Variants in CNTN1 observed in about 807,000 individuals in gnomAD.
The protein encoded by CNTN1 is contactin-1.
Under a neutral mutation model 126.4 loss-of-function variants are expected in CNTN1, and 38 were observed. The ratio of observed to expected loss-of-function variants is 0.30; its 90% confidence interval spans 0.23 to 0.39. The LOEUF is 0.39. Ranked by LOEUF, CNTN1 falls within the 10% of genes least tolerant of loss-of-function variation. CNTN1 has a pLI of 1.00. For missense variants in CNTN1, 1,009 were observed against 1,248.4 expected (o/e 0.81, Z 2.89); for synonymous variants, 413 against 422.6 (o/e 0.98, Z 0.28).
At chr12:40,711,298 T>C (rs564937225) in intron 1 of CNTN1, among the ~76,000 whole-genome samples, 20 of 152,322 alleles carry the variant, frequency 1.3e-4, no homozygotes, top group African/African-American at 4.8e-4. Flanking sequence ...TGTTTTTCTT[T>C]CATTTTTCTC....
chr12:41,000,706 G>C (rs1329031868), intron 17 of CNTN1, among the ~76,000 whole-genome samples: 1 of 152,076 alleles, frequency 6.6e-6, no homozygotes, highest in Non-Finnish European at 1.5e-5. Context: ...ATGGGGGTTA[G>C]TTGTACAGAT....
intron 4 of CNTN1, among the ~76,000 whole-genome samples, chr12:40,920,187 C>T (rs897923829): frequency 1.3e-5 from 2 of 152,148 alleles, no homozygotes; most frequent in Admixed American, 6.6e-5. Context: ...AACAGTCACA[C>T]AAGGGACCTT....
chr12:40,707,047 C>CGCGCGCGCGT (rs1565625845), intron 1 of CNTN1, among the ~76,000 whole-genome samples: 1 of 216 alleles, frequency 4.6e-3, no homozygotes, highest in Non-Finnish European at 0.1. Flanking sequence ...CGCGCTTGCG[C>CGCGCGCGCGT]ACACACACAC....
chr12:40,711,142 G>T (rs1017801510), intron 1 of CNTN1, among the ~76,000 whole-genome samples: 1 of 151,996 alleles, frequency 6.6e-6, no homozygotes, highest in Non-Finnish European at 1.5e-5. Flanking sequence ...TGGTGCTGTG[G>T]ATCTCAACTT....
At chr12:41,049,675 A>T (rs1949628019) in intron 23 of CNTN1, among the ~76,000 whole-genome samples, 1 of 152,204 alleles carries the variant, frequency 6.6e-6, no homozygotes, top group Non-Finnish European at 1.5e-5. Context: ...ATTTTAAAAT[A>T]TGTCAGCTCT....
chr12:40,726,736 T>G (rs1942360232), intron 1 of CNTN1, among the ~76,000 whole-genome samples: 1 of 152,090 alleles, frequency 6.6e-6, no homozygotes, highest in African/African-American at 2.4e-5. Flanking sequence ...GATGTGAAAT[T>G]TATTTCAAGT....
chr12:41,048,565 C>A (rs780867378), intron 23 of CNTN1, among the ~76,000 whole-genome samples: 1 of 152,150 alleles, frequency 6.6e-6, no homozygotes, highest in Non-Finnish European at 1.5e-5. Flanking sequence ...GCTTCAACTA[C>A]CCTTTCCTTC....
At chr12:41,027,602 T>C (rs1370978639) in intron 21 of CNTN1, among the ~76,000 whole-genome samples, 1 of 151,988 alleles carries the variant, frequency 6.6e-6, no homozygotes, top group African/African-American at 2.4e-5. Flanking sequence ...AAAAGACTAG[T>C]GGAGAAAGAA....
intron 17 of CNTN1, among the ~76,000 whole-genome samples, chr12:41,008,755 C>T (rs1948570476): frequency 6.6e-6 from 1 of 152,184 alleles, no homozygotes; most frequent in South Asian, 2.1e-4. Context: ...TTGTCCTAAA[C>T]ATCTCTCTTT....
chr12:40,970,468 G>T (rs1400990240), intron 15 of CNTN1, among the ~76,000 whole-genome samples: 1 of 151,968 alleles, frequency 6.6e-6, no homozygotes, highest in African/African-American at 2.4e-5. Context: ...GTCAGCATAG[G>T]CAAGTTTTCC....
At chr12:41,006,885 A>C (rs1948505738) in intron 17 of CNTN1, among the ~76,000 whole-genome samples, 1 of 152,176 alleles carries the variant, frequency 6.6e-6, no homozygotes, top group African/African-American at 2.4e-5. Context: ...AGGAACAAAC[A>C]ATGAATACTT....
At chr12:40,873,702 A>G (rs1015038135) in intron 1 of CNTN1, among the ~76,000 whole-genome samples, 2 of 152,186 alleles carry the variant, frequency 1.3e-5, no homozygotes, top group Non-Finnish European at 2.9e-5. Context: ...AAGATGTACC[A>G]ATATGTTTTA....
At chr12:41,065,148 C>T (rs187024601) in intron 23 of CNTN1, among the ~76,000 whole-genome samples, 10 of 152,284 alleles carry the variant, frequency 6.6e-5, no homozygotes, top group East Asian at 1.9e-4. Context: ...CTCTGCCTCC[C>T]GGGTTCACGC....
At chr12:40,709,381 G>A (rs1315211720) in intron 1 of CNTN1, among the ~76,000 whole-genome samples, 7 of 152,190 alleles carry the variant, frequency 4.6e-5, no homozygotes, top group Non-Finnish European at 1.0e-4. Flanking sequence ...TCTATTTACA[G>A]AGCACAGGCA....
At chr12:40,810,052 G>A (rs1476323187) in intron 1 of CNTN1, among the ~76,000 whole-genome samples, 2 of 151,980 alleles carry the variant, frequency 1.3e-5, no homozygotes, top group African/African-American at 4.8e-5. Context: ...TCATGGTATG[G>A]TTATTTTAAA....
At position 41,023,193 on chromosome 12, in the gene CNTN1, A is replaced by G. The variant is rs1948963843; in HGVS notation, c.2524-1957A>G. Among the ~76,000 whole-genome samples, 3 of 152,206 alleles carry G rather than the reference A, an allele frequency of 2.0e-5. No homozygotes were observed. In the South Asian group the frequency reaches 6.2e-4, roughly 31 times the overall value. On this transcript the variant is annotated intron_variant, in intron 20 of 23. Coordinates refer to ENST00000551295, the MANE Select transcript of CNTN1 (RefSeq NM_001843.4). ...TCTATTTTTCTGTGTATAAAGATAC[A>G]CAGAAAGAAAGCAGCACATTGAAAA...
intron 17 of CNTN1, among the ~76,000 whole-genome samples, chr12:41,003,349 TATTTTTTTTTGAGG>T (rs946331059): frequency 2.6e-5 from 4 of 152,062 alleles, no homozygotes; most frequent in Non-Finnish European, 5.9e-5. Flanking sequence ...GTTTGCCAGT[TATTTTTTTTTGAGG>T]ATTTTTTCGT....
At chr12:41,048,691 CAG>C (rs976175126) in intron 23 of CNTN1, among the ~76,000 whole-genome samples, 2 of 145,560 alleles carry the variant, frequency 1.4e-5, no homozygotes, top group Non-Finnish European at 3.0e-5. Flanking sequence ...CAAAACAAAA[CAG>C]AGCAACAATT....
chr12:40,921,320 G>A (rs376847864), intron 4 of CNTN1, among the ~76,000 whole-genome samples: 14 of 152,278 alleles, frequency 9.2e-5, no homozygotes, highest in African/African-American at 2.2e-4. Flanking sequence ...CTACTTGAGC[G>A]ATTTGACCAC....
Sources: allele counts gnomAD v4.1 joint callset (sites outside exome capture counted in the v4.1 genomes callset), GRCh38; gene constraint gnomAD v4.1.1; transcripts MANE v1.5; gene names NCBI Gene and HGNC (gene_info 2026-07-23, HGNC 2026-07-21).